The following ADAMTSL2 variants were observed in gnomAD, a reference collection of about 807,000 sequenced individuals.
ADAMTSL2 encodes the protein ADAMTS-like protein 2.
In ADAMTSL2, 55 loss-of-function variants were observed where a neutral mutation model predicts 117.0. The observed-to-expected ratio is 0.47, with a 90% CI of 0.38 to 0.59. ADAMTSL2 has a LOEUF of 0.59. Among genes scored for constraint, ADAMTSL2 ranks in the 20% least tolerant of loss-of-function variants. The probability of loss-of-function intolerance (pLI) is 0.00; values close to 1 mark genes in which losing one functional copy is unlikely to be tolerated. For missense variants in ADAMTSL2, 1,182 were observed against 1,354.5 expected, an observed-to-expected ratio of 0.87 and a Z score of 2.00; for synonymous variants, 572 against 566.4, an observed-to-expected ratio of 1.01 and a Z score of -0.14.
intron 4 of ADAMTSL2, 37 bp downstream of exon 4, chr9:133,538,461 T>C: frequency 6.2e-7 from 1 of 1,608,802 alleles, no homozygotes; most frequent in Non-Finnish European, 8.5e-7. Context: ...CATGGCCTGC[T>C]CTCCCTGTCA....
At chr9:133,565,570 C>G (rs1015152064) in intron 12 of ADAMTSL2, among the ~76,000 whole-genome samples, 1 of 152,232 alleles carries the variant, frequency 6.6e-6, no homozygotes, top group Non-Finnish European at 1.5e-5. Context: ...CGGCCCAGCT[C>G]TGGCGGGAGA....
intron 8 of ADAMTSL2, among the ~76,000 whole-genome samples, chr9:133,544,845 C>T (rs1830311556): frequency 2.6e-5 from 4 of 152,200 alleles, no homozygotes. Flanking sequence ...GAGCCTGGCA[C>T]AGGCAGAAGC....
At position 133,534,911 on chromosome 9, in the gene ADAMTSL2, A is replaced by G; in HGVS notation, c.-157A>G. The G allele has an allele frequency of 2.8e-6, 4 of 1,403,960 alleles. No homozygotes were observed. Among genetic ancestry groups the G allele is most frequent in the Non-Finnish European group, 3.7e-6 (4 of 1,072,240 alleles). The allele number at this position is 1,403,960 out of a possible 1,614,324, so 87.0% of individuals were successfully genotyped here. A position where few individuals can be genotyped will look rare whatever the true frequency, so the allele number is the denominator to read the frequency against. On this transcript the variant is annotated 5_prime_UTR_variant, in exon 1 of 19. Coordinates refer to ENST00000651351, the MANE Select transcript of ADAMTSL2 (RefSeq NM_014694.4). ...TCTGGGAGGACAACCTGCTGACCCG[A>G]AGCCAGGTAGGCCACCTCGTCCCCG...
intron 8 of ADAMTSL2, among the ~76,000 whole-genome samples, chr9:133,546,476 T>TG (rs1212862571): frequency 6.6e-6 from 1 of 152,044 alleles, no homozygotes; most frequent in Non-Finnish European, 1.5e-5. Flanking sequence ...GTTGACTGGG[T>TG]GAAGGGTCAG....
chr9:133,544,962 G>A (rs572183629), intron 8 of ADAMTSL2, among the ~76,000 whole-genome samples: 1 of 152,086 alleles, frequency 6.6e-6, no homozygotes, highest in South Asian at 2.1e-4. Context: ...GTAGGATTCC[G>A]ACTCAGGTCT....
Position 133,547,172 on chromosome 9 carries a change from A to G in ADAMTSL2, c.898A>G (p.Ile300Val). Residue 300 changes from isoleucine (I) to valine (V), a missense_variant, in exon 9 of 19, where the codon ATC becomes GTC. By Grantham distance (29) the Ile-to-Val change is conservative. This residue lies in a region of ADAMTSL2 where 372 missense variants were observed against 463.4 expected (regional missense o/e 0.80). Coordinates refer to ENST00000651351, the MANE Select transcript of ADAMTSL2 (RefSeq NM_014694.4). ...MDVYETGIEY[I>V]VAQGPTNQGL... ...TGTCTATGAGACCGGAATCGAGTACATCGTGGCACAGGGGCCCACCAACCA... is the reference window on the plus strand; with the variant it reads ...TGTCTATGAGACCGGAATCGAGTACGTCGTGGCACAGGGGCCCACCAACCA... 1.9e-6 allele frequency: 3 copies of G among 1,614,136 alleles called. No homozygotes were observed. The highest frequency in any genetic ancestry group is 1.7e-6 in the Non-Finnish European group (2 of 1,180,016).
At chr9:133,559,806 C>T (rs1830686876) in intron 11 of ADAMTSL2, among the ~76,000 whole-genome samples, 1 of 152,160 alleles carries the variant, frequency 6.6e-6, no homozygotes, top group East Asian at 1.9e-4. Context: ...AGCCCCCAGC[C>T]CGCAGCCCTT....
intron 2 of ADAMTSL2, among the ~76,000 whole-genome samples, chr9:133,537,177 G>A (rs529913774): frequency 2.0e-5 from 3 of 152,210 alleles, no homozygotes; most frequent in African/African-American, 4.8e-5. Context: ...AGGCCATCCT[G>A]GACCTTAAGG....
chr9:133,545,648 G>A (rs1007310695), intron 8 of ADAMTSL2, among the ~76,000 whole-genome samples: 3 of 152,198 alleles, frequency 2.0e-5, no homozygotes, highest in Non-Finnish European at 4.4e-5. Context: ...TTGCTTGCTG[G>A]GAGAGTGGAG....
chr9:133,536,870 A>G (rs1830065869), intron 2 of ADAMTSL2, 68 bp downstream of exon 2: 1 of 1,610,246 alleles, frequency 6.2e-7, no homozygotes, highest in Non-Finnish European at 8.5e-7. Flanking sequence ...TCACTCTCAG[A>G]TGGACTGGCT....
At chr9:133,560,350 T>G (rs1830697306) in intron 11 of ADAMTSL2, among the ~76,000 whole-genome samples, 1 of 152,178 alleles carries the variant, frequency 6.6e-6, no homozygotes, top group African/African-American at 2.4e-5. Context: ...CCATCGCCCC[T>G]TCTCTGGCTC....
chr9:133,537,363 G>C, intron 2 of ADAMTSL2, 42 bp from the exon 3 acceptor site: 2 of 1,330,804 alleles, frequency 1.5e-6, no homozygotes, highest in South Asian at 5.5e-5. Flanking sequence ...GGTCCTCCTG[G>C]GCACTTGAGC....
Position 133,534,895 on chromosome 9 carries a change from A to G in ADAMTSL2, c.-173A>G, listed in dbSNP as rs1421673598. On this transcript the variant is annotated 5_prime_UTR_variant, in exon 1 of 19. Coordinates refer to ENST00000651351, the MANE Select transcript of ADAMTSL2 (RefSeq NM_014694.4). Reference sequence around the variant, plus strand: ...AGCGCTCGCCCCTTTCTCTGGGAGGACAACCTGCTGACCCGAAGCCAGGTA... The same window carrying G: ...AGCGCTCGCCCCTTTCTCTGGGAGGGCAACCTGCTGACCCGAAGCCAGGTA... The G allele has an allele frequency of 2.1e-6, 3 of 1,435,486 alleles. No homozygotes were observed. The highest frequency in any genetic ancestry group is 5.9e-5 in the East Asian group (2 of 33,700). The allele number at this position is 1,435,486 out of a possible 1,614,324, so 88.9% of individuals were successfully genotyped here.
rs1831025084 is a variant in ADAMTSL2 at position 133,568,369 on chromosome 9, C to T, written c.1971C>T (p.Phe657=). ...VRCWKMLSPG[F]DSSVYSDLCE... is the part of the protein sequence containing the mutation. ...GCTGGAAGATGCTCTCGCCCGGCTT[C>T]GACAGCTCCGTGTACAGCGACCTGT... is the stretch of plus-strand genomic sequence containing the variant. The change falls in exon 14 of 19, where the codon TTC becomes TTT. Residue 657 remains phenylalanine, a synonymous_variant. Coordinates refer to ENST00000651351, the MANE Select transcript of ADAMTSL2 (RefSeq NM_014694.4). The T allele has an allele frequency of 1.0e-5, 16 of 1,601,742 alleles. No individual in the cohort carries two copies. Among genetic ancestry groups the T allele is most frequent in the South Asian group, 4.5e-5 (4 of 89,064 alleles).
intron 2 of ADAMTSL2, 49 bp downstream of exon 2, chr9:133,536,851 G>A (rs2131088762): frequency 6.2e-7 from 1 of 1,613,100 alleles, no homozygotes; most frequent in Non-Finnish European, 8.5e-7. Flanking sequence ...CCCTACCCAG[G>A]TGCTGTGATC....
chr9:133,544,147 G>A (rs2131110565), intron 7 of ADAMTSL2, among the ~76,000 whole-genome samples: 1 of 152,356 alleles, frequency 6.6e-6, no homozygotes, highest in South Asian at 2.1e-4. Context: ...GGTCTCCTGG[G>A]TGACACATGG....
chr9:133,554,536 G>C lies in ADAMTSL2; in HGVS notation c.1119G>C (p.Gln373His), dbSNP rs770463380. The C allele has an allele frequency of 6.5e-7, 1 of 1,549,282 alleles. No individual in the cohort carries two copies. Among genetic ancestry groups the C allele is most frequent in the South Asian group, 1.2e-5 (1 of 84,098 alleles). ...FVPHNGSLYG[Q>H]ASSERLGLDN... ...CGCACAACGGCTCCCTCTACGGCCA[G>C]GCCTCCTCAGAGCGGCTGGGCCTGG... is the stretch of plus-strand genomic sequence containing the variant. Residue 373 changes from glutamine (Q) to histidine (H), a missense_variant, in exon 10 of 19, where the codon CAG (glutamine) becomes CAC (histidine). Around this residue, in one of 3 missense-constraint regions of ADAMTSL2, gnomAD observed 345 missense variants for 325.8 expected, o/e 1.06. Transcript: ENST00000651351. This position sits in a 1 kb window ranked among gnomAD's most constrained non-coding sequence, Gnocchi z 5.2.
chr9:133,571,691 C>T (rs767340021), intron 17 of ADAMTSL2, among the ~76,000 whole-genome samples: 48 of 152,284 alleles, frequency 3.2e-4, no homozygotes, highest in Non-Finnish European at 6.3e-4. Flanking sequence ...TTCACAGCAG[C>T]GCCAGCCCTG....
At chr9:133,550,809 G>A (rs898688063) in intron 9 of ADAMTSL2, among the ~76,000 whole-genome samples, 1 of 152,156 alleles carries the variant, frequency 6.6e-6, no homozygotes, top group African/African-American at 2.4e-5. Context: ...TGCCTGCAGT[G>A]GGGTGATGAT....
Sources: allele counts gnomAD v4.1 joint callset (sites outside exome capture counted in the v4.1 genomes callset), GRCh38; gene constraint gnomAD v4.1.1; regional missense constraint gnomAD v4.1.1; non-coding constraint Gnocchi (gnomAD v3.1); transcripts MANE v1.5; gene names NCBI Gene and HGNC (gene_info 2026-07-23, HGNC 2026-07-21).